The following CSMD1 variants were observed in gnomAD, a reference collection of about 807,000 sequenced individuals.
CSMD1 encodes the protein CUB and Sushi multiple domains 1.
In CSMD1, 213 loss-of-function variants were observed where a neutral mutation model predicts 417.5. The ratio of observed to expected loss-of-function variants is 0.51; its 90% confidence interval spans 0.46 to 0.57. The LOEUF is 0.57. Ranked by LOEUF, CSMD1 falls within the 20% of genes least tolerant of loss-of-function variation. The probability of loss-of-function intolerance (pLI) is 0.00; values close to 1 mark genes in which losing one functional copy is unlikely to be tolerated. For missense variants in CSMD1, 6,923 were observed against 4,529.7 expected, an observed-to-expected ratio of 1.53 and a Z score of -15.17; for synonymous variants, 2,862 against 1,736.8, an observed-to-expected ratio of 1.65 and a Z score of -16.11.
At chr8:4,773,445 C>A (rs1216145193) in intron 1 of CSMD1, among the ~76,000 whole-genome samples, 1 of 152,132 alleles carries the variant, frequency 6.6e-6, no homozygotes, top group Admixed American at 6.5e-5. Context: ...TTGGGGGAGG[C>A]CTGTGCACCC....
chr8:4,918,066 T>G (rs969929185), intron 1 of CSMD1, among the ~76,000 whole-genome samples: 12 of 149,760 alleles, frequency 8.0e-5, no homozygotes, highest in Non-Finnish European at 1.5e-5. Context: ...GTCTTATTTC[T>G]CTGATTATGA....
intron 3 of CSMD1, among the ~76,000 whole-genome samples, chr8:4,072,395 T>C (rs1179606295): frequency 1.3e-5 from 2 of 152,208 alleles, no homozygotes; most frequent in African/African-American, 4.8e-5. Context: ...TACTGCATTC[T>C]ATGTACCAAG....
intron 3 of CSMD1, among the ~76,000 whole-genome samples, chr8:4,379,449 G>T (rs566153293): frequency 1.3e-5 from 2 of 152,286 alleles, no homozygotes; most frequent in African/African-American, 4.8e-5. Context: ...AGTTAATAAT[G>T]CTGTGTCAAC....
chr8:4,755,517 C>A (rs972078131), intron 1 of CSMD1, among the ~76,000 whole-genome samples: 1 of 152,086 alleles, frequency 6.6e-6, no homozygotes, highest in Non-Finnish European at 1.5e-5. Context: ...ATGTTTCCTG[C>A]TTTCAACTCT....
At chr8:2,940,564 C>G (rs544770966) in intron 69 of CSMD1, among the ~76,000 whole-genome samples, 1 of 152,180 alleles carries the variant, frequency 6.6e-6, no homozygotes, top group Non-Finnish European at 1.5e-5. Context: ...ACCGCCTTCA[C>G]GGAGACACCC....
chr8:4,987,381 G>C (rs1388660434), intron 1 of CSMD1, among the ~76,000 whole-genome samples: 2 of 152,158 alleles, frequency 1.3e-5, no homozygotes, highest in Admixed American at 6.5e-5. Context: ...AAAGCAGAGG[G>C]TTGCTGCAAC....
At chr8:4,977,420 G>T (rs1308031327) in intron 1 of CSMD1, among the ~76,000 whole-genome samples, 1 of 152,152 alleles carries the variant, frequency 6.6e-6, no homozygotes, top group African/African-American at 2.4e-5. Context: ...GGAGACTGTT[G>T]TGTGTGAGGG....
chr8:4,233,676 G>C (rs4588875), intron 3 of CSMD1, among the ~76,000 whole-genome samples: 182 of 152,232 alleles, frequency 1.2e-3, no homozygotes, highest in African/African-American at 4.1e-3. Context: ...TGCTTTATAA[G>C]CTATCCAATG....
intron 1 of CSMD1, among the ~76,000 whole-genome samples, chr8:4,729,485 T>A (rs1809706702): frequency 6.6e-6 from 1 of 151,908 alleles, no homozygotes; most frequent in Non-Finnish European, 1.5e-5. Context: ...GAAAAGTGAG[T>A]CACACAAAAG....
chr8:4,091,546 A>G (rs1401893231), intron 3 of CSMD1, among the ~76,000 whole-genome samples: 2 of 152,214 alleles, frequency 1.3e-5, no homozygotes, highest in African/African-American at 4.8e-5. Context: ...TCAGCAATGC[A>G]AACGTGGCCA....
intron 1 of CSMD1, among the ~76,000 whole-genome samples, chr8:4,885,090 A>G (rs189102453): frequency 6.6e-6 from 1 of 152,110 alleles, no homozygotes; most frequent in Admixed American, 6.5e-5. Context: ...TTCTTTTAGA[A>G]GCTACTGTAA....
At chr8:4,228,996 G>C (rs761628276) in intron 3 of CSMD1, among the ~76,000 whole-genome samples, 2 of 152,068 alleles carry the variant, frequency 1.3e-5, no homozygotes, top group Non-Finnish European at 2.9e-5. Flanking sequence ...CGCGAACCTG[G>C]ACTTTTCCAT....
chr8:4,898,203 G>A (rs374628831), intron 1 of CSMD1, among the ~76,000 whole-genome samples: 2 of 152,102 alleles, frequency 1.3e-5, no homozygotes, highest in East Asian at 3.8e-4. Flanking sequence ...TATTGCAAAT[G>A]GAATGATTAA....
chr8:4,217,570 G>A (rs1800758471), intron 3 of CSMD1, among the ~76,000 whole-genome samples: 1 of 152,006 alleles, frequency 6.6e-6, no homozygotes, highest in African/African-American at 2.4e-5. Context: ...ACGCAGCAAA[G>A]GTGTGAGCTT....
In CSMD1 at chr8:4,194,053, C is replaced by T. The variant is rs540879732; in HGVS notation, c.416-161954G>A. Among the ~76,000 whole-genome samples the T allele has an allele frequency of 2.6e-5, 4 of 152,178 alleles. No individual in the cohort carries two copies. The South Asian group carries it at 8.3e-4, about 32-fold the overall frequency. ...ATGATATTAAAATTATAGTAACTTTCATATACAAAAAATATATTAACAATT... is the reference window on the plus strand; with the variant it reads ...ATGATATTAAAATTATAGTAACTTTTATATACAAAAAATATATTAACAATT... On this transcript the variant is annotated intron_variant, in intron 3 of 69. Coordinates refer to ENST00000635120, the MANE Select transcript of CSMD1 (RefSeq NM_033225.6).
At chr8:4,970,304 G>A (rs1810158531) in intron 1 of CSMD1, among the ~76,000 whole-genome samples, 1 of 152,048 alleles carries the variant, frequency 6.6e-6, no homozygotes, top group Non-Finnish European at 1.5e-5. Flanking sequence ...TGTAAAATGG[G>A]AATAAGTAAA....
intron 47 of CSMD1, among the ~76,000 whole-genome samples, chr8:3,092,839 G>T (rs922368317): frequency 6.6e-6 from 1 of 152,168 alleles, no homozygotes; most frequent in African/African-American, 2.4e-5. Flanking sequence ...AAGCGTTCAT[G>T]GCATTTTGCA....
intron 2 of CSMD1, among the ~76,000 whole-genome samples, chr8:4,570,532 T>G (rs1798836403): frequency 6.6e-6 from 1 of 152,168 alleles, no homozygotes; most frequent in African/African-American, 2.4e-5. Context: ...TGGATTTGAT[T>G]TGCCAGTATT....
At chr8:4,739,371 T>C (rs1810453375) in intron 1 of CSMD1, among the ~76,000 whole-genome samples, 1 of 152,200 alleles carries the variant, frequency 6.6e-6, no homozygotes, top group Non-Finnish European at 1.5e-5. Flanking sequence ...TCACAAATGT[T>C]CAGCTCAGTC....
Sources: allele counts gnomAD v4.1 joint callset (sites outside exome capture counted in the v4.1 genomes callset), GRCh38; gene constraint gnomAD v4.1.1; transcripts MANE v1.5; gene names NCBI Gene and HGNC (gene_info 2026-07-23, HGNC 2026-07-21).